Variants in CIP2A observed in about 807,000 individuals in gnomAD.
The protein encoded by CIP2A is protein CIP2A.
A neutral mutation model predicts 110.9 loss-of-function variants in CIP2A; 103 were observed. The ratio of observed to expected loss-of-function variants is 0.93; its 90% CI spans 0.79 to 1.09. The LOEUF (loss-of-function observed/expected upper bound fraction) is 1.09. Ranked by LOEUF, CIP2A falls within the 50% of genes least tolerant of loss-of-function variation. The probability of loss-of-function intolerance (pLI) is 0.00; values close to 1 mark genes in which losing one functional copy is unlikely to be tolerated. For missense variants in CIP2A, 1,088 were observed against 1,038.4 expected (o/e 1.05, Z -0.66); for synonymous variants, 381 against 361.6 (o/e 1.05, Z -0.61).
At position 108,552,251 on chromosome 3, in the gene CIP2A, T is replaced by C; in HGVS notation, c.2530A>G (p.Lys844Glu). 6.4e-7 allele frequency: 1 copy of C among 1,559,650 alleles called. No homozygotes were observed. The highest frequency in any genetic ancestry group is 8.6e-7 in the Non-Finnish European group (1 of 1,158,256). ...ATTCTTACCTTAATGCTCAACTCTT[T>C]TCTTATCTGTTCTGTTCTGCTTAAT... Reference protein sequence around the residue: ...KELSRTEQIRKELSIKASSLE... With the variant: ...KELSRTEQIREELSIKASSLE... The change falls in exon 20 of 21, where the codon AAA becomes GAA. Residue 844 changes from lysine to glutamate, a missense_variant. Transcript: ENST00000295746.
chr3:108,581,562 A>C (rs529200841), intron 4 of CIP2A, 51 bp from the exon 5 acceptor site: 1 of 1,104,732 alleles, frequency 9.1e-7, no homozygotes, highest in Admixed American at 1.9e-5. Flanking sequence ...TAAAAGAAAA[A>C]AAGCATTAAC....
At chr3:108,552,674 C>A (rs1937622929) in intron 19 of CIP2A, among the ~76,000 whole-genome samples, 1 of 152,068 alleles carries the variant, frequency 6.6e-6, no homozygotes, top group African/African-American at 2.4e-5. Context: ...CAAGTGAGAA[C>A]AAAAATGTTT....
chr3:108,582,271 C>A (rs1008418392), intron 3 of CIP2A, 69 bp from the exon 4 acceptor site: 11 of 618,708 alleles, frequency 1.8e-5, no homozygotes, highest in Non-Finnish European at 3.0e-5. Flanking sequence ...AATGGACTCT[C>A]AGGCACATTC....
At chr3:108,561,180 C>T (rs976937187) in intron 13 of CIP2A, among the ~76,000 whole-genome samples, 3 of 152,140 alleles carry the variant, frequency 2.0e-5, no homozygotes, top group Non-Finnish European at 2.9e-5. Flanking sequence ...CTGGCCTTTA[C>T]GTCCTTAGTC....
intron 17 of CIP2A, among the ~76,000 whole-genome samples, chr3:108,556,405 A>C (rs1937802660): frequency 1.3e-5 from 2 of 152,152 alleles, no homozygotes; most frequent in Admixed American, 1.3e-4. Context: ...AACTGGCCTA[A>C]AAAGATAAAA....
intron 12 of CIP2A, among the ~76,000 whole-genome samples, chr3:108,564,779 T>C (rs530825966): frequency 1.3e-5 from 2 of 152,014 alleles, no homozygotes; most frequent in Non-Finnish European, 2.9e-5. Flanking sequence ...ATTCATTCTA[T>C]TTTATAGAAT....
In CIP2A at chr3:108,579,265, C is replaced by T; in HGVS notation, c.818+16G>A. 2 of 1,583,254 alleles carry T rather than the reference C, an allele frequency of 1.3e-6. No homozygotes were observed. The highest frequency in any genetic ancestry group is 1.7e-6 in the Non-Finnish European group (2 of 1,162,638). On this transcript the variant is annotated intron_variant, in intron 7 of 20. Transcript: ENST00000295746. ...AAAAATAAAAAAGTTCTAAAATTGACTGAAGTGAGTCATACCTGGTGAGAT... is the reference window on the plus strand; with the variant it reads ...AAAAATAAAAAAGTTCTAAAATTGATTGAAGTGAGTCATACCTGGTGAGAT...
rs765576613 is a variant in CIP2A at position 108,566,481 on chromosome 3, G to C, written c.1415+16C>G. The C allele has an allele frequency of 6.3e-7, 1 of 1,577,220 alleles. No individual in the cohort carries two copies. Among genetic ancestry groups the C allele is most frequent in the Non-Finnish European group, 8.6e-7 (1 of 1,165,344 alleles). ...TTACTGCCTTGCCATTTTGTCATTA[G>C]AGTTTATATACTCACCATAATTCAG... On this transcript the variant is annotated intron_variant, in intron 11 of 20. Coordinates refer to ENST00000295746, the MANE Select transcript of CIP2A (RefSeq NM_020890.3).
intron 2 of CIP2A, 123 bp from the exon 3 acceptor site, chr3:108,583,206 T>C (rs1938939540): frequency 2.2e-6 from 1 of 460,802 alleles, no homozygotes; most frequent in Admixed American, 4.3e-5. Context: ...TATTTTCTTA[T>C]TTTCTTTATG....
In CIP2A at chr3:108,553,227, A is replaced by C. The variant is rs545295098; in HGVS notation, c.2407+421T>G. On this transcript the variant is annotated intron_variant, in intron 19 of 20. Transcript: ENST00000295746. ...ACTGCAGCCTTGACATCCAGGTTCA[A>C]GAGATTCTCCCACTGTAGCTTCCTG... 2.7e-5 allele frequency among the ~76,000 whole-genome samples: 4 copies of C among 147,384 alleles called. No homozygotes were observed. The East Asian group carries it at 8.1e-4, about 30-fold the overall frequency.
chr3:108,582,190 G>A lies in CIP2A; in HGVS notation c.370C>T (p.Leu124=), dbSNP rs1938905695. 3 of 1,373,920 alleles carry A rather than the reference G, an allele frequency of 2.2e-6. No individual in the cohort carries two copies. The highest frequency in any genetic ancestry group is 3.0e-6 in the Non-Finnish European group (3 of 987,192). The allele number at this position is 1,373,920 out of a possible 1,614,324, so 85.1% of individuals were successfully genotyped here. ...TTGACATTATATGTTAACTTCTGTA[G>A]AAGTTGAATGCACTGAGAATAAGAA... ...DSVFLQCIQL[L]QKLTYNVKIF... Residue 124 remains leucine (L), a synonymous_variant, in exon 4 of 21, where the codon CTA becomes TTA. Transcript: ENST00000295746.
chr3:108,562,126 G>A (rs1938025329), intron 13 of CIP2A, among the ~76,000 whole-genome samples: 2 of 152,076 alleles, frequency 1.3e-5, no homozygotes, highest in Non-Finnish European at 2.9e-5. Context: ...TGTTCTCTAG[G>A]TCTTACATCC....
At chr3:108,563,364 T>C (rs1938073390) in intron 12 of CIP2A, 120 bp from the exon 13 acceptor site, 1 of 686,612 alleles carries the variant, frequency 1.5e-6, no homozygotes, top group South Asian at 1.8e-5. Flanking sequence ...AAAATGTTTC[T>C]AATGTTTGAA....
intron 7 of CIP2A, among the ~76,000 whole-genome samples, chr3:108,578,487 T>C (rs532496735): frequency 7.3e-6 from 1 of 137,478 alleles, no homozygotes; most frequent in Non-Finnish European, 1.6e-5. Context: ...TTTGCCCTAG[T>C]GCTTAGCTTT....
intron 13 of CIP2A, among the ~76,000 whole-genome samples, chr3:108,562,775 C>A (rs150124737): frequency 7.6e-4 from 115 of 152,134 alleles, no homozygotes; most frequent in African/African-American, 2.6e-3. Context: ...ATGCTTAGAC[C>A]TTTTCCTTAA....
rs1939001926 is a variant in CIP2A at position 108,585,109 on chromosome 3, C to T, written c.206G>A (p.Ser69Asn). 6.2e-7 allele frequency: 1 copy of T among 1,613,392 alleles called. No homozygotes were observed. The highest frequency in any genetic ancestry group is 1.1e-5 in the South Asian group (1 of 91,018). The change falls in exon 2 of 21, where the codon AGT (serine) becomes AAT (asparagine). Residue 69 changes from serine (S) to asparagine (N), a missense_variant. Ser to Asn is a conservative substitution (Grantham distance 46). Transcript: ENST00000295746. Reference sequence around the variant, plus strand: ...GATAATACTTAAGATCAGTGAAGCACTTATGTTGGGGTCTTCAAGTAGCTC... The same window carrying T: ...GATAATACTTAAGATCAGTGAAGCATTTATGTTGGGGTCTTCAAGTAGCTC... ...LVELLEDPNI[S>N]ASLILSIIGL... is the part of the protein sequence containing the mutation.
chr3:108,581,249 C>T (rs1938865941), intron 5 of CIP2A, among the ~76,000 whole-genome samples, 166 bp downstream of exon 5: 1 of 152,208 alleles, frequency 6.6e-6, no homozygotes, highest in Non-Finnish European at 1.5e-5. Context: ...GGCTGAAGTG[C>T]TTCAAGTTAT....
At chr3:108,563,294 T>A (rs1240272190) in intron 12 of CIP2A, 50 bp from the exon 13 acceptor site, 1 of 1,093,360 alleles carries the variant, frequency 9.1e-7, no homozygotes. Flanking sequence ...ATAAACAATG[T>A]CAGCTCTTTT....
chr3:108,552,164 A>T, intron 20 of CIP2A, 70 bp downstream of exon 20: 1 of 1,246,508 alleles, frequency 8.0e-7, no homozygotes, highest in Non-Finnish European at 1.1e-6. Context: ...ACATTCCTTT[A>T]TCCATATTCA....
Sources: allele counts gnomAD v4.1 joint callset (sites outside exome capture counted in the v4.1 genomes callset), GRCh38; gene constraint gnomAD v4.1.1; transcripts MANE v1.5; gene names NCBI Gene and HGNC (gene_info 2026-07-23, HGNC 2026-07-21).